Variants in FANCB observed in about 807,000 individuals in gnomAD.
FANCB encodes FA complementation group B.
In FANCB, 5 loss-of-function variants were observed where a neutral mutation model predicts 38.9. The ratio of observed to expected loss-of-function variants is 0.13; its 90% CI spans 0.07 to 0.27. The LOEUF (loss-of-function observed/expected upper bound fraction) is 0.27. FANCB is among the 10% of genes least tolerant of loss of function. FANCB has a pLI of 1.00. For synonymous variants in FANCB, 236 were observed against 215.4 expected (o/e 1.10, Z -0.84); for missense variants, 573 against 602.7 (o/e 0.95, Z 0.52).
chrX:14,820,970 AG>A, the FANCB span, among the ~76,000 whole-genome samples: 2 of 111,465 alleles, frequency 1.8e-5, no homozygotes, highest in South Asian at 7.5e-4. Flanking sequence ...CCTTCAAAAA[AG>A]GAATTTCATG....
chrX:14,794,747 G>A, the FANCB span, among the ~76,000 whole-genome samples: 1 of 112,240 alleles, frequency 8.9e-6, no homozygotes, highest in African/African-American at 3.2e-5. Flanking sequence ...CACAGTCATT[G>A]CAGTAGGTGG....
At chrX:14,714,368 C>T in the FANCB span, among the ~76,000 whole-genome samples, 1 of 111,401 alleles carries the variant, frequency 9.0e-6, no homozygotes, top group African/African-American at 3.3e-5. Flanking sequence ...AAATGCAAAG[C>T]TCAGTTCCCA....
At chrX:14,858,649 T>G (rs1023345434) in intron 4 of FANCB, among the ~76,000 whole-genome samples, 2 of 111,416 alleles carry the variant, frequency 1.8e-5, no homozygotes, top group African/African-American at 6.5e-5. Flanking sequence ...CTTGAATTCC[T>G]GGGCTCTCAT....
chrX:14,863,276 A>G (rs1412174912), intron 3 of FANCB, among the ~76,000 whole-genome samples: 3 of 112,590 alleles, frequency 2.7e-5, no homozygotes, highest in African/African-American at 9.7e-5. Context: ...TAATATAATG[A>G]TAAAAATTTT....
At chrX:14,756,072 G>C in the FANCB span, among the ~76,000 whole-genome samples, 574 of 112,095 alleles carry the variant, frequency 5.1e-3, 3 homozygotes, top group Non-Finnish European at 6.6e-3. Context: ...ACACATATTG[G>C]AGAAAGGACA....
chrX:14,825,588 CCTCT>C, the FANCB span, among the ~76,000 whole-genome samples: 226 of 112,090 alleles, frequency 2.0e-3, 1 homozygote, highest in Middle Eastern at 9.2e-3. Context: ...CATCTTTTGT[CCTCT>C]CTATTTTGAA....
chrX:14,831,614 G>A (rs766953037), downstream of FANCB, among the ~76,000 whole-genome samples: 4 of 111,378 alleles, frequency 3.6e-5, no homozygotes, highest in African/African-American at 1.3e-4. Context: ...ATCTTAGCTA[G>A]ACTCATGAGG....
chrX:14,813,500 C>A, the FANCB span, among the ~76,000 whole-genome samples: 5 of 111,534 alleles, frequency 4.5e-5, no homozygotes, highest in Non-Finnish European at 7.5e-5. Flanking sequence ...ACAAAAATCA[C>A]AAGCATTCCT....
At chrX:14,692,575 A>C in the FANCB span, among the ~76,000 whole-genome samples, 3,000 of 111,754 alleles carry the variant, frequency 0.027, 72 homozygotes, top group African/African-American at 0.078. Context: ...AAACATACTA[A>C]TTCTCAGCAA....
the FANCB span, among the ~76,000 whole-genome samples, chrX:14,817,876 G>A: frequency 8.9e-6 from 1 of 111,816 alleles, no homozygotes; most frequent in South Asian, 3.7e-4. Context: ...CTTGCCCAAG[G>A]TCAGGCACCA....
At chrX:14,854,373 G>C (rs1002409963) in intron 5 of FANCB, among the ~76,000 whole-genome samples, 1 of 111,600 alleles carries the variant, frequency 9.0e-6, no homozygotes, top group Non-Finnish European at 1.9e-5. Flanking sequence ...CCTTACTCCA[G>C]GACAATATAG....
intron 7 of FANCB, among the ~76,000 whole-genome samples, chrX:14,847,073 G>C (rs888143120): frequency 9.1e-6 from 1 of 109,836 alleles, no homozygotes; most frequent in Non-Finnish European, 1.9e-5. Context: ...TAATGCCTTT[G>C]AGTGCTTCAA....
At chrX:14,806,599 G>C in the FANCB span, among the ~76,000 whole-genome samples, 3 of 111,249 alleles carry the variant, frequency 2.7e-5, no homozygotes, top group Admixed American at 9.6e-5. Context: ...TGTTAGCCAG[G>C]GTGTTAGATT....
chrX:14,733,726 G>T, the FANCB span, among the ~76,000 whole-genome samples: 1 of 111,926 alleles, frequency 8.9e-6, no homozygotes, highest in Non-Finnish European at 1.9e-5. Context: ...TGTATCCTGA[G>T]ATTTTGCTGA....
the FANCB span, among the ~76,000 whole-genome samples, chrX:14,748,055 T>C: frequency 8.9e-6 from 1 of 111,889 alleles, no homozygotes; most frequent in East Asian, 2.8e-4. Context: ...AGGAGATGGC[T>C]ATTTGCTGGC....
the FANCB span, among the ~76,000 whole-genome samples, chrX:14,701,443 C>G: frequency 7.7e-3 from 854 of 111,497 alleles, 4 homozygotes; most frequent in Non-Finnish European, 0.011. Flanking sequence ...CTAAGCCTAG[C>G]ACCCCTCTGT....
chrX:14,752,364 T>C, the FANCB span, among the ~76,000 whole-genome samples: 6 of 112,028 alleles, frequency 5.4e-5, no homozygotes, highest in Non-Finnish European at 1.1e-4. Flanking sequence ...ATTACAACAC[T>C]AGCAATCATT....
At chrX:14,813,213 T>C in the FANCB span, among the ~76,000 whole-genome samples, 1 of 108,281 alleles carries the variant, frequency 9.2e-6, no homozygotes, top group East Asian at 2.9e-4. Context: ...AATATCATAC[T>C]GAATGGGCAA....
chrX:14,755,214 G>C, the FANCB span, among the ~76,000 whole-genome samples: 3 of 111,812 alleles, frequency 2.7e-5, no homozygotes, highest in African/African-American at 6.5e-5. Flanking sequence ...GGAAATAGTT[G>C]AAAGCTTTTT....
Sources: allele counts gnomAD v4.1 joint callset (sites outside exome capture counted in the v4.1 genomes callset), GRCh38; gene constraint gnomAD v4.1.1; transcripts MANE v1.5; gene names NCBI Gene and HGNC (gene_info 2026-07-23, HGNC 2026-07-21).